The following RPTOR variants were observed in gnomAD, a reference collection of about 807,000 sequenced individuals.
RPTOR encodes the protein regulatory-associated protein of mTOR.
Under a neutral mutation model 169.9 loss-of-function variants are expected in RPTOR, and 21 were observed. The ratio of observed to expected loss-of-function variants is 0.12; its 90% CI spans 0.09 to 0.18. The LOEUF is 0.18. Ranked by LOEUF, RPTOR falls within the 10% of genes least tolerant of loss-of-function variation. The pLI is 1.00. For synonymous variants in RPTOR, 732 were observed against 753.2 expected (o/e 0.97, Z 0.46); for missense variants, 1,133 against 1,855.9 (o/e 0.61, Z 7.16).
At chr17:80,760,919 G>A (rs2066730981) in intron 6 of RPTOR, among the ~76,000 whole-genome samples, 1 of 152,240 alleles carries the variant, frequency 6.6e-6, no homozygotes, top group Non-Finnish European at 1.5e-5. Context: ...ATGTGTACAT[G>A]TGTACTTGGT....
At chr17:80,673,670 T>A (rs2143687813) in intron 3 of RPTOR, among the ~76,000 whole-genome samples, 1 of 152,368 alleles carries the variant, frequency 6.6e-6, no homozygotes, top group South Asian at 2.1e-4. Flanking sequence ...CAGGATCTGC[T>A]GGGAAAGTCG....
At chr17:80,891,918 C>G in intron 18 of RPTOR, 81 bp downstream of exon 18, 1 of 917,998 alleles carries the variant, frequency 1.1e-6, no homozygotes, top group African/African-American at 1.7e-5. Context: ...CTTGCTCACC[C>G]TCGCAGAGTC....
intron 5 of RPTOR, among the ~76,000 whole-genome samples, chr17:80,745,089 G>A (rs2066559189): frequency 6.6e-6 from 1 of 152,222 alleles, no homozygotes; most frequent in Non-Finnish European, 1.5e-5. Context: ...CCTGCCACTG[G>A]TCAGCTAAGC....
chr17:80,908,774 A>G lies in RPTOR; in HGVS notation c.2402-37A>G, dbSNP rs904068739. ...CGCCTTAGGAGCCTCATTGGCAGCT[A>G]CTTTCCACTAAAACATCTTCCATTT... is the stretch of plus-strand genomic sequence containing the variant. On this transcript the variant is annotated intron_variant, in intron 20 of 33. Coordinates refer to ENST00000306801, the MANE Select transcript of RPTOR (RefSeq NM_020761.3). 11 of 1,486,960 alleles carry G rather than the reference A, an allele frequency of 7.4e-6. No individual in the cohort carries two copies. The East Asian group carries it at 2.5e-4, about 34-fold the overall frequency. 92.1% of individuals were successfully genotyped at this position (1,486,960 alleles called of 1,614,324 possible). A position where few individuals can be genotyped will look rare whatever the true frequency, so the allele number is the denominator to read the frequency against.
At chr17:80,662,484 T>TG (rs950104512) in intron 3 of RPTOR, among the ~76,000 whole-genome samples, 12 of 150,188 alleles carry the variant, frequency 8.0e-5, no homozygotes, top group African/African-American at 2.7e-4. Context: ...GCTGATTGGT[T>TG]GGGGGGTGAA....
intron 1 of RPTOR, chr17:80,593,583 A>G (rs376474897): frequency 6.5e-6 from 1 of 154,332 alleles, no homozygotes; most frequent in Admixed American, 6.5e-5. Flanking sequence ...CTACGTATAC[A>G]TGTGCAGCTC....
chr17:80,738,657 A>G (rs1341286583), intron 5 of RPTOR, among the ~76,000 whole-genome samples: 2 of 152,170 alleles, frequency 1.3e-5, no homozygotes, highest in Admixed American at 1.3e-4. Context: ...GGCCTTGACA[A>G]TCATGTGTTG....
At chr17:80,665,379 T>C (rs2065759028) in intron 3 of RPTOR, among the ~76,000 whole-genome samples, 2 of 6,110 alleles carry the variant, frequency 3.3e-4, no homozygotes, top group Admixed American at 1.9e-3. Flanking sequence ...TTTCCTTTCC[T>C]TTCCTTTCCT....
chr17:80,883,597 T>C, intron 15 of RPTOR, 113 bp downstream of exon 15: 1 of 1,241,552 alleles, frequency 8.1e-7, no homozygotes, highest in South Asian at 1.2e-5. Context: ...CAGCAGAGGC[T>C]CTGACCCTTC....
At chr17:80,776,219 A>C (rs1291257947) in intron 6 of RPTOR, among the ~76,000 whole-genome samples, 1 of 152,158 alleles carries the variant, frequency 6.6e-6, no homozygotes, top group East Asian at 1.9e-4. Flanking sequence ...AAAGAAAAAA[A>C]TAATAATATT....
At chr17:80,920,594 G>A (rs946840498) in intron 21 of RPTOR, among the ~76,000 whole-genome samples, 14 of 152,220 alleles carry the variant, frequency 9.2e-5, no homozygotes, top group African/African-American at 2.9e-4. Flanking sequence ...GTACTCCCAC[G>A]GGCGCTTCCG....
chr17:80,671,224 C>T (rs987002578), intron 3 of RPTOR, among the ~76,000 whole-genome samples: 1 of 152,214 alleles, frequency 6.6e-6, no homozygotes, highest in Non-Finnish European at 1.5e-5. Flanking sequence ...GCTCTTCGTC[C>T]TTGTGCTGCC....
chr17:80,582,410 C>T (rs1321215863), intron 1 of RPTOR, among the ~76,000 whole-genome samples: 1 of 152,176 alleles, frequency 6.6e-6, no homozygotes, highest in Non-Finnish European at 1.5e-5. Context: ...CTTTTCTGTT[C>T]CCTGAACAAT....
chr17:80,931,548 G>A (rs1042035158), intron 24 of RPTOR, among the ~76,000 whole-genome samples: 8 of 152,182 alleles, frequency 5.3e-5, no homozygotes, highest in African/African-American at 1.9e-4. Context: ...CCCGCAGCAG[G>A]CTCTCCTGTG....
intron 2 of RPTOR, among the ~76,000 whole-genome samples, chr17:80,631,903 C>T (rs1694546420): frequency 6.6e-6 from 1 of 152,142 alleles, no homozygotes; most frequent in African/African-American, 2.4e-5. Flanking sequence ...TGTGCCAGTG[C>T]ATTCCAGCCT....
chr17:80,854,060 TA>T, intron 11 of RPTOR, among the ~76,000 whole-genome samples: 1 of 151,608 alleles, frequency 6.6e-6, no homozygotes, highest in Non-Finnish European at 1.5e-5. Flanking sequence ...CTCTAACTTA[TA>T]AAGAACTCTG....
At chr17:80,563,792 C>G (rs2084535161) in intron 1 of RPTOR, among the ~76,000 whole-genome samples, 1 of 152,146 alleles carries the variant, frequency 6.6e-6, no homozygotes, top group African/African-American at 2.4e-5. Flanking sequence ...GATCCAGAAA[C>G]AGAACAGCCC....
chr17:80,830,768 G>A (rs1598336915), intron 9 of RPTOR, among the ~76,000 whole-genome samples: 1 of 142,514 alleles, frequency 7.0e-6, no homozygotes, highest in South Asian at 2.3e-4. Flanking sequence ...TTTTTTTTTC[G>A]GAGGCGGGGT....
chr17:80,728,689 G>A lies in RPTOR; in HGVS notation c.508-1871G>A, dbSNP rs1404526316. ...TTTATAGTATCTTTAATATCTGGCA[G>A]TGTGAGTCCCTATTCATTATTCTTT... is the stretch of plus-strand genomic sequence containing the variant. On this transcript the variant is annotated intron_variant, in intron 4 of 33. Transcript: ENST00000306801. 2.0e-5 allele frequency among the ~76,000 whole-genome samples: 3 copies of A among 151,528 alleles called. 1 individual carries two copies. The highest frequency in any genetic ancestry group is 1.3e-4 in the Admixed American group (2 of 15,224).
Sources: allele counts gnomAD v4.1 joint callset (sites outside exome capture counted in the v4.1 genomes callset), GRCh38; gene constraint gnomAD v4.1.1; transcripts MANE v1.5; gene names NCBI Gene and HGNC (gene_info 2026-07-23, HGNC 2026-07-21).